Variants in RABGAP1L observed in about 807,000 individuals in gnomAD.
RABGAP1L encodes RAB GTPase activating protein 1 like.
RABGAP1L carries 63 observed loss-of-function variants against 137.7 expected under a neutral mutation model. The ratio of observed to expected loss-of-function variants is 0.46; its 90% CI spans 0.37 to 0.56. The LOEUF is 0.56. Ranked by LOEUF, RABGAP1L falls within the 20% of genes least tolerant of loss-of-function variation. RABGAP1L has a pLI of 0.00. For missense variants in RABGAP1L, 1,095 were observed against 1,244.0 expected (o/e 0.88, Z 1.80); for synonymous variants, 431 against 433.7 (o/e 0.99, Z 0.08).
chr1:174,696,587 A>G (rs535902399), intron 15 of RABGAP1L, among the ~76,000 whole-genome samples: 337 of 152,282 alleles, frequency 2.2e-3, no homozygotes, highest in Non-Finnish European at 3.3e-3. Flanking sequence ...GTCTGGGGCC[A>G]GTCTGAATCC....
chr1:174,762,424 A>G lies in RABGAP1L; in HGVS notation c.2211+10070A>G, dbSNP rs868850367. Among the ~76,000 whole-genome samples, 6 of 152,334 alleles carry G rather than the reference A, an allele frequency of 3.9e-5. No homozygotes were observed. In the South Asian group the frequency reaches 6.2e-4, roughly 16 times the overall value. On this transcript the variant is annotated intron_variant, in intron 18 of 25. Coordinates refer to ENST00000681986, the MANE Select transcript of RABGAP1L (RefSeq NM_001366446.1). Reference sequence around the variant, plus strand: ...GGAATGCTCTGTCTCCCTCTCTTCAATAAGCTAATTTCCATTTAGCTTTAC... The same window carrying G: ...GGAATGCTCTGTCTCCCTCTCTTCAGTAAGCTAATTTCCATTTAGCTTTAC...
At chr1:174,875,834 C>A in intron 19 of RABGAP1L, 1 of 445,632 alleles carries the variant, frequency 2.2e-6, no homozygotes, top group Non-Finnish European at 3.0e-6. Flanking sequence ...TAATGCTTAA[C>A]AGACAAAGCA....
intron 18 of RABGAP1L, among the ~76,000 whole-genome samples, chr1:174,773,607 A>G (rs1214774409): frequency 6.6e-6 from 1 of 152,246 alleles, no homozygotes. Flanking sequence ...GTTGAATAGG[A>G]TAGAAGCAGA....
chr1:174,274,947 G>A (rs964637001), intron 8 of RABGAP1L, among the ~76,000 whole-genome samples: 8 of 152,100 alleles, frequency 5.3e-5, no homozygotes, highest in African/African-American at 9.7e-5. Context: ...TGAGGAAATC[G>A]CTACAAAAAC....
At chr1:174,916,985 T>C (rs1651132138) in intron 19 of RABGAP1L, among the ~76,000 whole-genome samples, 1 of 152,220 alleles carries the variant, frequency 6.6e-6, no homozygotes, top group Non-Finnish European at 1.5e-5. Context: ...AGTGTTCCAG[T>C]AGATTTGGTT....
intron 14 of RABGAP1L, among the ~76,000 whole-genome samples, chr1:174,675,400 G>T (rs866032967): frequency 6.6e-6 from 1 of 152,004 alleles, no homozygotes; most frequent in African/African-American, 2.4e-5. Flanking sequence ...GATAGTTGTA[G>T]ATATGTGGCG....
intron 1 of RABGAP1L, among the ~76,000 whole-genome samples, chr1:174,170,719 ATC>A (rs1328482521): frequency 6.6e-6 from 1 of 150,600 alleles, no homozygotes; most frequent in Non-Finnish European, 1.5e-5. Flanking sequence ...AGAGGCAGTT[ATC>A]TCTTGCTTCT....
chr1:174,693,989 A>G (rs376163860), intron 15 of RABGAP1L, among the ~76,000 whole-genome samples: 21 of 152,322 alleles, frequency 1.4e-4, no homozygotes, highest in East Asian at 1.3e-3. Flanking sequence ...AAATATTTGG[A>G]AACATTAATA....
intron 14 of RABGAP1L, among the ~76,000 whole-genome samples, chr1:174,648,488 T>C (rs1170602844): frequency 6.6e-6 from 1 of 152,176 alleles, no homozygotes; most frequent in Non-Finnish European, 1.5e-5. Flanking sequence ...CATGAAGTTA[T>C]TCAGTTTCCA....
intron 18 of RABGAP1L, among the ~76,000 whole-genome samples, chr1:174,759,040 T>C (rs777812709): frequency 2.0e-5 from 3 of 152,098 alleles, no homozygotes; most frequent in Non-Finnish European, 4.4e-5. Flanking sequence ...CACCAAATTT[T>C]CCAGGAAGAT....
rs58265128 is a variant in RABGAP1L at position 174,838,917 on chromosome 1, C to CAAAAAA, written c.2340+26989_2340+26994dup. Reference sequence around the variant, plus strand: ...TGGGCGACAAAGCGAGACTCCGTCTCAAAAAAAAAAAAAAAAAAAAAAAAA... The same window carrying CAAAAAA: ...TGGGCGACAAAGCGAGACTCCGTCTCAAAAAAAAAAAAAAAAAAAAAAAAAAAAAAA... On this transcript the variant is annotated intron_variant, in intron 19 of 25. Transcript: ENST00000681986. Among the ~76,000 whole-genome samples, 25 of 22,456 alleles carry CAAAAAA rather than the reference C, an allele frequency of 1.1e-3. 6 individuals are homozygous for CAAAAAA. The highest frequency in any genetic ancestry group is 3.1e-3 in the East Asian group (1 of 326). 14.7% of individuals were successfully genotyped at this position (22,456 alleles called of 152,430 possible). A position where few individuals can be genotyped will look rare whatever the true frequency, so the allele number is the denominator to read the frequency against.
At chr1:174,716,409 G>A (rs1430608775) in intron 17 of RABGAP1L, among the ~76,000 whole-genome samples, 1 of 152,174 alleles carries the variant, frequency 6.6e-6, no homozygotes, top group Non-Finnish European at 1.5e-5. Flanking sequence ...AGTCTCCCAA[G>A]TAGCTGGGAC....
At chr1:174,694,588 C>G (rs1450786503) in intron 15 of RABGAP1L, among the ~76,000 whole-genome samples, 1 of 151,566 alleles carries the variant, frequency 6.6e-6, no homozygotes, top group Non-Finnish European at 1.5e-5. Context: ...TTTTCTTAAT[C>G]CAGTCTATCA....
chr1:174,671,564 A>G lies in RABGAP1L; in HGVS notation c.1825-11958A>G, dbSNP rs1432217851. 7.9e-5 allele frequency among the ~76,000 whole-genome samples: 12 copies of G among 152,272 alleles called. No homozygotes were observed. The East Asian group carries it at 1.9e-3, about 24-fold the overall frequency. On this transcript the variant is annotated intron_variant, in intron 14 of 25. Coordinates refer to ENST00000681986, the MANE Select transcript of RABGAP1L (RefSeq NM_001366446.1). The stretch of plus-strand genomic sequence containing the variant: ...TGATTTTAATGCATTTATTGAAATG[A>G]CTTTGACTTTTATCATTTCTTCTTC...
At chr1:174,265,378 A>G (rs1339869650) in intron 7 of RABGAP1L, among the ~76,000 whole-genome samples, 2 of 152,092 alleles carry the variant, frequency 1.3e-5, no homozygotes, top group Non-Finnish European at 2.9e-5. Context: ...CATTTTTAAT[A>G]TATTTTAAAA....
At chr1:174,812,042 T>A in intron 19 of RABGAP1L, 82 bp downstream of exon 19, 1 of 1,276,016 alleles carries the variant, frequency 7.8e-7, no homozygotes, top group Non-Finnish European at 1.0e-6. Flanking sequence ...TTTTTTTATA[T>A]GTTGCAAGGT....
chr1:174,214,752 C>T (rs1024861148), intron 1 of RABGAP1L, among the ~76,000 whole-genome samples: 5 of 152,084 alleles, frequency 3.3e-5, no homozygotes, highest in African/African-American at 1.2e-4. Flanking sequence ...ACAGTCTGTT[C>T]AATAAATGGT....
intron 11 of RABGAP1L, among the ~76,000 whole-genome samples, chr1:174,348,431 CTATT>C (rs1212679065): frequency 1.3e-5 from 2 of 150,486 alleles, no homozygotes; most frequent in Non-Finnish European, 3.0e-5. Context: ...TTTGTTGTTT[CTATT>C]TATTTTTTAT....
At chr1:174,603,639 T>A (rs546260299) in intron 13 of RABGAP1L, among the ~76,000 whole-genome samples, 1 of 152,204 alleles carries the variant, frequency 6.6e-6, no homozygotes, top group African/African-American at 2.4e-5. Flanking sequence ...CCTGTTGTAA[T>A]GGCCACCACA....
Sources: allele counts gnomAD v4.1 joint callset (sites outside exome capture counted in the v4.1 genomes callset), GRCh38; gene constraint gnomAD v4.1.1; transcripts MANE v1.5; gene names NCBI Gene and HGNC (gene_info 2026-07-23, HGNC 2026-07-21).